The following TAMM41 variants were observed in gnomAD, a reference collection of about 807,000 sequenced individuals.
TAMM41 encodes the protein TAM41 mitochondrial translocator assembly and maintenance homolog, also known as phosphatidate cytidylyltransferase, mitochondrial.
A neutral mutation model predicts 44.1 loss-of-function variants in TAMM41; 36 were observed. The ratio of observed to expected loss-of-function variants is 0.82; its 90% CI spans 0.63 to 1.08. The LOEUF (loss-of-function observed/expected upper bound fraction) is 1.08. Ranked by LOEUF, TAMM41 falls within the 50% of genes least tolerant of loss-of-function variation. The pLI is 0.00. For missense variants in TAMM41, 417 were observed against 404.3 expected (o/e 1.03, Z -0.27); for synonymous variants, 164 against 153.1 (o/e 1.07, Z -0.53).
At chr3:11,815,623 G>T (rs2078248260) in intron 5 of TAMM41, among the ~76,000 whole-genome samples, 1 of 152,150 alleles carries the variant, frequency 6.6e-6, no homozygotes, top group Non-Finnish European at 1.5e-5. Flanking sequence ...GTAACTTTAT[G>T]TGAAGCATGA....
intron 7 of TAMM41, among the ~76,000 whole-genome samples, chr3:11,795,360 G>GGGA (rs2077579533): frequency 6.6e-6 from 1 of 152,150 alleles, no homozygotes; most frequent in Non-Finnish European, 1.5e-5. Flanking sequence ...CCAAAAACCT[G>GGGA]GGAGTTAGTT....
At chr3:11,722,302 T>C in the TAMM41 span, among the ~76,000 whole-genome samples, 1 of 152,202 alleles carries the variant, frequency 6.6e-6, no homozygotes, top group African/African-American at 2.4e-5. Flanking sequence ...TCTGGCAACA[T>C]CTAAGCCTGG....
the TAMM41 span, among the ~76,000 whole-genome samples, chr3:11,724,021 C>G: frequency 6.6e-6 from 1 of 151,928 alleles, no homozygotes; most frequent in East Asian, 1.9e-4. Flanking sequence ...TGACACTACT[C>G]TATCTGCTCT....
At chr3:11,798,214 C>A (rs1024346860) in intron 7 of TAMM41, among the ~76,000 whole-genome samples, 4 of 152,170 alleles carry the variant, frequency 2.6e-5, no homozygotes, top group Admixed American at 2.6e-4. Context: ...CTCATTGCAG[C>A]ATTATTCACA....
At chr3:11,833,900 T>C (rs2079076265) in intron 3 of TAMM41, among the ~76,000 whole-genome samples, 1 of 152,196 alleles carries the variant, frequency 6.6e-6, no homozygotes, top group African/African-American at 2.4e-5. Flanking sequence ...ATTGTACTCT[T>C]TAAATGGTTG....
Position 11,833,215 on chromosome 3 carries a change from G to A in TAMM41, c.412-3351C>T, listed in dbSNP as rs78481674. ...GTTTGTATCTTACTGGGAATGCCCCGACCTGAACTGCATAGATAACATTAG... is the reference window on the plus strand; with the variant it reads ...GTTTGTATCTTACTGGGAATGCCCCAACCTGAACTGCATAGATAACATTAG... On this transcript the variant is annotated intron_variant, in intron 3 of 7. Coordinates refer to ENST00000455809, the MANE Select transcript of TAMM41 (RefSeq NM_001284401.2). 6.0e-4 allele frequency: 740 copies of A among 1,228,882 alleles called. 4 individuals carry two copies. The African/African-American group carries it at 9.7e-3, about 16-fold the overall frequency. The allele number at this position is 1,228,882 out of a possible 1,614,324, so 76.1% of individuals were successfully genotyped here. A position where few individuals can be genotyped will look rare whatever the true frequency, so the allele number is the denominator to read the frequency against.
the TAMM41 span, among the ~76,000 whole-genome samples, chr3:11,775,830 A>G: frequency 1.3e-5 from 2 of 152,268 alleles, no homozygotes; most frequent in Admixed American, 6.5e-5. Context: ...GTGGTCCCAT[A>G]AGATTATAAT....
chr3:11,804,311 G>T (rs1257438793), intron 7 of TAMM41, among the ~76,000 whole-genome samples: 1 of 152,164 alleles, frequency 6.6e-6, no homozygotes, highest in Non-Finnish European at 1.5e-5. Flanking sequence ...AGACAGAAGA[G>T]TATAAAACAG....
At chr3:11,807,181 G>T (rs944381512) in intron 7 of TAMM41, 6 of 1,378,488 alleles carry the variant, frequency 4.4e-6, no homozygotes, top group African/African-American at 1.5e-5. Context: ...CACTCTCCAT[G>T]AGAGAAGAAC....
chr3:11,796,459 T>G (rs2077608729), intron 7 of TAMM41, among the ~76,000 whole-genome samples: 1 of 152,190 alleles, frequency 6.6e-6, no homozygotes, highest in Admixed American at 6.5e-5. Context: ...GCTCCTTCAC[T>G]AAGCGGATTC....
chr3:11,773,253 G>T, the TAMM41 span, among the ~76,000 whole-genome samples: 1 of 151,224 alleles, frequency 6.6e-6, no homozygotes, highest in Non-Finnish European at 1.5e-5. Context: ...CACCATCCCT[G>T]GCCAAACCCA....
the TAMM41 span, among the ~76,000 whole-genome samples, chr3:11,779,378 T>A: frequency 0.56 from 84,577 of 151,952 alleles, 24,245 homozygotes; most frequent in East Asian, 0.76. Context: ...GCAGGAACTA[T>A]GAGTGAGAAC....
At chr3:11,789,604 A>G (rs964347549), downstream of TAMM41, among the ~76,000 whole-genome samples, 4 of 152,186 alleles carry the variant, frequency 2.6e-5, no homozygotes, top group Non-Finnish European at 5.9e-5. Context: ...GCCTGAGCCT[A>G]TCAGCTTAGT....
chr3:11,835,292 A>C (rs910312219), intron 3 of TAMM41, among the ~76,000 whole-genome samples: 23 of 152,184 alleles, frequency 1.5e-4, no homozygotes, highest in African/African-American at 3.1e-4. Flanking sequence ...TGATTTCCAC[A>C]TGTTGAAAAT....
chr3:11,746,236 G>A, the TAMM41 span, among the ~76,000 whole-genome samples: 3 of 151,222 alleles, frequency 2.0e-5, no homozygotes, highest in Non-Finnish European at 2.9e-5. Flanking sequence ...CCCAGGAGGC[G>A]GAGCTTGCAG....
the TAMM41 span, among the ~76,000 whole-genome samples, chr3:11,728,704 G>A: frequency 6.6e-6 from 1 of 152,124 alleles, no homozygotes; most frequent in Non-Finnish European, 1.5e-5. Flanking sequence ...TCTGGAGATG[G>A]ACCCTTTTAA....
the TAMM41 span, among the ~76,000 whole-genome samples, chr3:11,732,599 A>G: frequency 6.6e-6 from 1 of 152,236 alleles, no homozygotes; most frequent in East Asian, 1.9e-4. Flanking sequence ...TGAAGAAAAT[A>G]AAACAGAGCA....
At chr3:11,758,847 T>C in the TAMM41 span, among the ~76,000 whole-genome samples, 3 of 152,020 alleles carry the variant, frequency 2.0e-5, no homozygotes, top group Non-Finnish European at 4.4e-5. Context: ...CTAATTTTTG[T>C]ATTTTTAGTA....
the TAMM41 span, among the ~76,000 whole-genome samples, chr3:11,738,141 T>C: frequency 3.3e-5 from 5 of 152,146 alleles, no homozygotes; most frequent in South Asian, 1.0e-3. Context: ...TAAAAGAACA[T>C]CAAAAATATT....
Sources: allele counts gnomAD v4.1 joint callset (sites outside exome capture counted in the v4.1 genomes callset), GRCh38; gene constraint gnomAD v4.1.1; transcripts MANE v1.5; gene names NCBI Gene and HGNC (gene_info 2026-07-23, HGNC 2026-07-21).